Variants in CELF5 observed in about 807,000 individuals in gnomAD.
CELF5 encodes the protein CUG-BP and ETR-3 like factor 5.
In CELF5, 6 loss-of-function variants were observed where a neutral mutation model predicts 54.9. The ratio of observed to expected loss-of-function variants is 0.11; its 90% confidence interval spans 0.06 to 0.22. The LOEUF (loss-of-function observed/expected upper bound fraction) is 0.22, where lower values mean the gene tolerates loss of function less well. CELF5 is among the 10% of genes least tolerant of loss of function. The pLI is 1.00. For missense variants in CELF5, 401 were observed against 678.6 expected (o/e 0.59, Z 4.54); for synonymous variants, 271 against 290.9 (o/e 0.93, Z 0.70).
chr19:3,290,898 G>C (rs1336244792), intron 11 of CELF5, among the ~76,000 whole-genome samples: 5 of 151,660 alleles, frequency 3.3e-5, no homozygotes, highest in African/African-American at 1.2e-4. Flanking sequence ...GAGGTGGGCG[G>C]ATTGCTTGAG....
At chr19:3,285,331 T>C in intron 9 of CELF5, among the ~76,000 whole-genome samples, 1 of 132,870 alleles carries the variant, frequency 7.5e-6, no homozygotes, top group African/African-American at 2.9e-5. Context: ...CTCCTGCAGC[T>C]CCTAGCCCCG....
intron 2 of CELF5, among the ~76,000 whole-genome samples, chr19:3,255,591 C>G (rs1179561926): frequency 6.6e-6 from 1 of 152,126 alleles, no homozygotes; most frequent in African/African-American, 2.4e-5. Context: ...ACATCCTGCC[C>G]TCTCATTTGT....
At chr19:3,277,087 A>G (rs2080068283) in intron 4 of CELF5, among the ~76,000 whole-genome samples, 1 of 152,090 alleles carries the variant, frequency 6.6e-6, no homozygotes, top group African/African-American at 2.4e-5. Flanking sequence ...CTGTCCACAG[A>G]GCTCATCATG....
Position 3,225,018 on chromosome 19 carries a change from C to A in CELF5, c.259+20C>A. On this transcript the variant is annotated intron_variant, in intron 1 of 12. Coordinates refer to ENST00000292672, the MANE Select transcript of CELF5 (RefSeq NM_021938.4). ...ACAAAGGTGGGCGCCCGGCCCCCTC[C>A]CCCCTCTCCCCCTCCCTCCGCCTCC... 1 of 1,284,258 alleles carries A rather than the reference C, an allele frequency of 7.8e-7. No homozygotes were observed. The highest frequency in any genetic ancestry group is 1.0e-6 in the Non-Finnish European group (1 of 960,504). 79.6% of individuals were successfully genotyped at this position (1,284,258 alleles called of 1,614,324 possible). A position where few individuals can be genotyped will look rare whatever the true frequency, so the allele number is the denominator to read the frequency against.
intron 3 of CELF5, among the ~76,000 whole-genome samples, chr19:3,274,965 C>G (rs1322489558): frequency 6.6e-6 from 1 of 151,862 alleles, no homozygotes; most frequent in East Asian, 1.9e-4. Context: ...TCTCTTCATC[C>G]CTCTTATTCT....
At chr19:3,270,114 C>T (rs1482874474) in intron 2 of CELF5, among the ~76,000 whole-genome samples, 1 of 152,054 alleles carries the variant, frequency 6.6e-6, no homozygotes, top group Non-Finnish European at 1.5e-5. Context: ...CTTCACTCTC[C>T]TCTACCCTCA....
chr19:3,285,335 A>G (rs2080222178), intron 9 of CELF5, among the ~76,000 whole-genome samples: 1 of 137,380 alleles, frequency 7.3e-6, no homozygotes, highest in African/African-American at 2.8e-5. Context: ...TGCAGCTCCT[A>G]GCCCCGCCCC....
At chr19:3,287,855 G>C (rs1399889801) in intron 10 of CELF5, among the ~76,000 whole-genome samples, 5 of 152,216 alleles carry the variant, frequency 3.3e-5, no homozygotes, top group Non-Finnish European at 7.3e-5. Flanking sequence ...TTTTCTCCAT[G>C]TTATGTGGTT....
intron 1 of CELF5, among the ~76,000 whole-genome samples, chr19:3,231,636 G>GTGGA (rs1385064177): frequency 4.8e-5 from 7 of 147,316 alleles, no homozygotes; most frequent in African/African-American, 1.0e-4. Context: ...TGGTAGATGG[G>GTGGA]TGGATGGATG....
intron 2 of CELF5, among the ~76,000 whole-genome samples, chr19:3,254,541 G>T (rs111211864): frequency 0.21 from 30,034 of 146,494 alleles, 3,384 homozygotes; most frequent in East Asian, 0.54. Context: ...ACTGATCCAT[G>T]TTTCTATCCA....
At chr19:3,254,350 CCATT>C (rs1262315831) in intron 2 of CELF5, among the ~76,000 whole-genome samples, 1 of 152,004 alleles carries the variant, frequency 6.6e-6, no homozygotes. Flanking sequence ...ACCTGCCTAT[CCATT>C]CATTCATTCA....
In CELF5 at chr19:3,228,617, G is replaced by C. The variant is rs1004230120; in HGVS notation, c.259+3619G>C. Reference sequence around the variant, plus strand: ...GTTGCGCTGGGGGACGGTGCAGGTGGGGGGGGGGCCCGGCGGGGGCCCGGG... The same window carrying C: ...GTTGCGCTGGGGGACGGTGCAGGTGCGGGGGGGGCCCGGCGGGGGCCCGGG... On this transcript the variant is annotated intron_variant, in intron 1 of 12. Transcript: ENST00000292672. The surrounding 1 kb of genome is among the most constrained non-coding windows in gnomAD (Gnocchi z 6.0). 6.7e-6 allele frequency among the ~76,000 whole-genome samples: 1 copy of C among 149,592 alleles called. No homozygotes were observed. The highest frequency in any genetic ancestry group is 2.1e-4 in the South Asian group (1 of 4,748).
rs1269687257 is a variant in CELF5 at position 3,275,250 on chromosome 19, C to T, written c.395-606C>T. On this transcript the variant is annotated intron_variant, in intron 3 of 12. Transcript: ENST00000292672. The surrounding 1 kb of genome is among the most constrained non-coding windows in gnomAD (Gnocchi z 6.7). ...GGCCTCAGACCAGGTTCCAGCCCAGCCCCACCCAGCAGGGGGTCCAGCCTG... is the reference window on the plus strand; with the variant it reads ...GGCCTCAGACCAGGTTCCAGCCCAGTCCCACCCAGCAGGGGGTCCAGCCTG... Among the ~76,000 whole-genome samples, 2 of 152,310 alleles carry T rather than the reference C, an allele frequency of 1.3e-5. No individual in the cohort carries two copies. Among genetic ancestry groups the T allele is most frequent in the Admixed American group, 6.5e-5 (1 of 15,306 alleles).
chr19:3,265,900 G>A (rs773762919), intron 2 of CELF5, among the ~76,000 whole-genome samples: 1 of 151,802 alleles, frequency 6.6e-6, no homozygotes. Context: ...TCTGTCTCCC[G>A]GGTTCAAGTG....
At chr19:3,285,888 G>T (rs1402129612) in intron 9 of CELF5, 54 bp from the exon 10 acceptor site, 3 of 707,744 alleles carry the variant, frequency 4.2e-6, no homozygotes, top group South Asian at 3.2e-5. Flanking sequence ...GGCCCAGGCC[G>T]CCCACGTGGC....
intron 1 of CELF5, among the ~76,000 whole-genome samples, chr19:3,233,184 G>A (rs1198846019): frequency 1.1e-4 from 16 of 152,210 alleles, no homozygotes; most frequent in Admixed American, 1.0e-3. Context: ...CTGCTTGGGA[G>A]GCTGAGGTGC....
At chr19:3,296,519 G>A (rs2080456278) in intron 12 of CELF5, 2 of 147,574 alleles carry the variant, frequency 1.4e-5, no homozygotes. Flanking sequence ...AACTTGTTTC[G>A]ATATTCCAGA....
At chr19:3,257,781 TTTTTTTTATTTATTTATTTATTTA>T (rs1177833111) in intron 2 of CELF5, among the ~76,000 whole-genome samples, 52 of 91,884 alleles carry the variant, frequency 5.7e-4, no homozygotes, top group Non-Finnish European at 6.9e-4. Flanking sequence ...CAGCCTCCAT[TTTTTTTTATTTATTTATTTATTTA>T]TTTATTTATT....
rs1917079158 is a variant in CELF5 at position 3,228,697 on chromosome 19, GGGA to G, written c.259+3708_259+3710del. On this transcript the variant is annotated intron_variant, in intron 1 of 12. Coordinates refer to ENST00000292672, the MANE Select transcript of CELF5 (RefSeq NM_021938.4). The surrounding 1 kb of genome is among the most constrained non-coding windows in gnomAD (Gnocchi z 6.0). ...AGCTGCCGGCTCGACTCGGGAGGGG[GGGA>G]GGAGGAGGCTGTAGCAGGCTGAGCT... 6.6e-6 allele frequency among the ~76,000 whole-genome samples: 1 copy of G among 151,874 alleles called. No homozygotes were observed. The highest frequency in any genetic ancestry group is 1.5e-5 in the Non-Finnish European group (1 of 67,886).
Sources: gnomAD v4.1 joint callset for allele counts (sites outside exome capture counted in the v4.1 genomes callset) on GRCh38, gnomAD v4.1.1 for gene constraint, Gnocchi (gnomAD v3.1) non-coding constraint, MANE v1.5 for transcripts, NCBI Gene and HGNC (gene_info 2026-07-23, HGNC 2026-07-21) for gene names.